The following ZFYVE28 variants were observed in gnomAD, a reference collection of about 807,000 sequenced individuals.
The protein encoded by ZFYVE28 is zinc finger FYVE-type containing 28.
A neutral mutation model predicts 82.1 loss-of-function variants in ZFYVE28; 40 were observed. The ratio of observed to expected loss-of-function variants is 0.49; its 90% CI spans 0.38 to 0.63. The LOEUF is 0.63. Ranked by LOEUF, ZFYVE28 falls within the 30% of genes least tolerant of loss-of-function variation. The pLI, the probability that ZFYVE28 is intolerant of heterozygous loss-of-function variation, is 0.00. For synonymous variants in ZFYVE28, 612 were observed against 546.1 expected (o/e 1.12, Z -1.68); for missense variants, 1,321 against 1,242.1 (o/e 1.06, Z -0.96).
intron 4 of ZFYVE28, 113 bp from the exon 5 acceptor site, chr4:2,337,609 G>T: frequency 1.3e-6 from 1 of 791,210 alleles, no homozygotes. Context: ...GGTGGGGGCG[G>T]GGGGCCTCAC....
intron 2 of ZFYVE28, among the ~76,000 whole-genome samples, chr4:2,353,186 C>T (rs377620395): frequency 2.6e-5 from 4 of 152,352 alleles, no homozygotes; most frequent in East Asian, 3.9e-4. Flanking sequence ...GAGTTCCCAC[C>T]GCAGCAGGGC....
chr4:2,321,849 C>G (rs955054114), intron 6 of ZFYVE28, among the ~76,000 whole-genome samples: 12 of 152,120 alleles, frequency 7.9e-5, no homozygotes, highest in Non-Finnish European at 1.6e-4. Context: ...CGGGCAGCAG[C>G]GTGGCCGAGG....
intron 1 of ZFYVE28, among the ~76,000 whole-genome samples, chr4:2,368,226 A>AAACAAAAAC (rs2108901482): frequency 6.7e-6 from 1 of 150,190 alleles, no homozygotes; most frequent in African/African-American, 2.5e-5. Context: ...AAAAAAAAAA[A>AAACAAAAAC]AAAACACTGT....
At chr4:2,317,015 G>A (rs1291529959) in intron 7 of ZFYVE28, among the ~76,000 whole-genome samples, 2 of 127,432 alleles carry the variant, frequency 1.6e-5, no homozygotes, top group African/African-American at 3.1e-5. Flanking sequence ...TTGAGACAGA[G>A]TCTCACTCTG....
chr4:2,282,622 C>T (rs2108804251), intron 8 of ZFYVE28, among the ~76,000 whole-genome samples: 1 of 152,316 alleles, frequency 6.6e-6, no homozygotes. Flanking sequence ...GAATCTGATG[C>T]AGCAAATTTA....
intron 8 of ZFYVE28, chr4:2,295,571 TG>T (rs1714428071): frequency 6.6e-6 from 1 of 152,502 alleles, no homozygotes; most frequent in South Asian, 2.1e-4. Flanking sequence ...CTGCCCACCC[TG>T]CCCACAAAGC....
intron 1 of ZFYVE28, among the ~76,000 whole-genome samples, chr4:2,391,991 C>G (rs1335497007): frequency 6.6e-6 from 1 of 151,836 alleles, no homozygotes; most frequent in African/African-American, 2.4e-5. Context: ...CCCACCACTA[C>G]AAAAATACAA....
chr4:2,386,377 C>T (rs986486198), intron 1 of ZFYVE28, among the ~76,000 whole-genome samples: 5 of 152,118 alleles, frequency 3.3e-5, no homozygotes, highest in Admixed American at 6.5e-5. Flanking sequence ...CCCAGCTACT[C>T]GGGAGGCTGA....
At chr4:2,315,378 C>T (rs945263986) in intron 7 of ZFYVE28, among the ~76,000 whole-genome samples, 7 of 152,118 alleles carry the variant, frequency 4.6e-5, no homozygotes, top group African/African-American at 1.7e-4. Flanking sequence ...TTCCGCCTCC[C>T]AGGTTCAAGT....
intron 1 of ZFYVE28, among the ~76,000 whole-genome samples, chr4:2,382,102 C>T (rs1417257806): frequency 6.6e-6 from 1 of 152,242 alleles, no homozygotes; most frequent in Non-Finnish European, 1.5e-5. Flanking sequence ...TTGGGAACCT[C>T]CACTAGATTT....
At chr4:2,304,164 G>T in intron 8 of ZFYVE28, 125 bp downstream of exon 8, 3 of 1,301,520 alleles carry the variant, frequency 2.3e-6, no homozygotes, top group Non-Finnish European at 3.1e-6. Context: ...CTCGGCCAGG[G>T]CCCAGCACCT....
intron 8 of ZFYVE28, among the ~76,000 whole-genome samples, chr4:2,294,790 C>T (rs749104398): frequency 7.9e-5 from 12 of 152,150 alleles, no homozygotes; most frequent in Non-Finnish European, 1.8e-4. Flanking sequence ...ACAGACGCTT[C>T]ACCAAACAAC....
At chr4:2,366,704 T>C (rs1370559586) in intron 1 of ZFYVE28, among the ~76,000 whole-genome samples, 1 of 152,086 alleles carries the variant, frequency 6.6e-6, no homozygotes, top group Non-Finnish European at 1.5e-5. Context: ...ATCACCTCAG[T>C]GTAGTCTCTG....
At position 2,304,400 on chromosome 4, in the gene ZFYVE28, C is replaced by T; in HGVS notation, c.1940G>A (p.Ser647Asn). The change falls in exon 8 of 13, where the codon AGT becomes AAT. Residue 647 changes from serine (S) to asparagine (N), a missense_variant. By Grantham distance (46) the Ser-to-Asn change is conservative (BLOSUM62 1). Transcript: ENST00000290974. Reference sequence around the variant, plus strand: ...AACCCCAGCCTCTCCTTGCAGCCCACTCGCTGTGTCCACCTGGGAACCTGA... The same window carrying T: ...AACCCCAGCCTCTCCTTGCAGCCCATTCGCTGTGTCCACCTGGGAACCTGA... The part of the protein sequence containing the change: ...HTSGSQVDTA[S>N]GLQGEAGVAG... 6.2e-7 allele frequency: 1 copy of T among 1,613,316 alleles called. No individual in the cohort carries two copies. Among genetic ancestry groups the T allele is most frequent in the Non-Finnish European group, 8.5e-7 (1 of 1,180,008 alleles).
At position 2,407,932 on chromosome 4, in the gene ZFYVE28, C is replaced by T. The variant is rs530094978; in HGVS notation, c.39+10353G>A. Among the ~76,000 whole-genome samples, 25 of 152,322 alleles carry T rather than the reference C, an allele frequency of 1.6e-4. No homozygotes were observed. The South Asian group carries it at 4.8e-3, about 29-fold the overall frequency. ...AGTCTCTTGGCTTGGTTTGACCTTA[C>T]GCATGCCAGGGAGTGTGCTCACGGA... is the stretch of plus-strand genomic sequence containing the variant. On this transcript the variant is annotated intron_variant, in intron 1 of 12. Coordinates refer to ENST00000290974, the MANE Select transcript of ZFYVE28 (RefSeq NM_020972.3).
chr4:2,340,534 G>A (rs1317957763), intron 3 of ZFYVE28, among the ~76,000 whole-genome samples: 2 of 152,202 alleles, frequency 1.3e-5, no homozygotes, highest in Non-Finnish European at 2.9e-5. Context: ...GAATGAGACG[G>A]CGCTGATCGC....
rs187181902 is a variant in ZFYVE28 at position 2,350,541 on chromosome 4, G to A, written c.180+3392C>T. Among the ~76,000 whole-genome samples the A allele has an allele frequency of 7.8e-4, 118 of 152,250 alleles. 2 individuals carry two copies. Among genetic ancestry groups the A allele is most frequent in the Admixed American group, 3.6e-3 (55 of 15,286 alleles). On this transcript the variant is annotated intron_variant, in intron 2 of 12. Transcript: ENST00000290974. Reference sequence around the variant, plus strand: ...TCATCTTCCCATTTCCTGACATACAGCTCCTAAAAAGCCTTGGACTCTCCA... The same window carrying A: ...TCATCTTCCCATTTCCTGACATACAACTCCTAAAAAGCCTTGGACTCTCCA...
chr4:2,329,267 C>T, intron 6 of ZFYVE28: 1 of 452,728 alleles, frequency 2.2e-6, no homozygotes, highest in Non-Finnish European at 3.9e-6. Flanking sequence ...ATGTCTTTCT[C>T]TTTAATTATG....
rs748163383 is a variant in ZFYVE28, at chr4:2,274,074, C to T, written c.2194G>A (p.Val732Ile). 48 of 1,613,848 alleles carry T rather than the reference C, an allele frequency of 3.0e-5. No homozygotes were observed. Among genetic ancestry groups the T allele is most frequent in the Non-Finnish European group, 3.7e-5 (44 of 1,179,964 alleles). The part of the protein sequence containing the change: ...GSHDLIHRLF[V>I]CISGVADQLQ... Reference sequence around the variant, plus strand: ...CCTGACATGACACCTGAAATGCAGACGAACAGGCGGTGGATGAGGTCGTGG... The same window carrying T: ...CCTGACATGACACCTGAAATGCAGATGAACAGGCGGTGGATGAGGTCGTGG... The change falls in exon 9 of 13, where the codon GTC (valine) becomes ATC (isoleucine). Residue 732 changes from valine (V) to isoleucine (I), a missense_variant. By Grantham distance (29) the Val-to-Ile change is conservative. Coordinates refer to ENST00000290974, the MANE Select transcript of ZFYVE28 (RefSeq NM_020972.3).
Sources: allele counts gnomAD v4.1 joint callset (sites outside exome capture counted in the v4.1 genomes callset), GRCh38; gene constraint gnomAD v4.1.1; transcripts MANE v1.5; gene names NCBI Gene and HGNC (gene_info 2026-07-23, HGNC 2026-07-21).